TAF1: variants seen among roughly 807,000 people sequenced by gnomAD.
TAF1 encodes the protein TATA-box binding protein associated factor 1, also known as transcription initiation factor TFIID subunit 1.
A neutral mutation model predicts 138.5 loss-of-function variants in TAF1; 2 were observed. The observed-to-expected ratio is 0.01, with a 90% CI of 0.01 to 0.05. The LOEUF (loss-of-function observed/expected upper bound fraction) is 0.05. TAF1 is among the 10% of genes least tolerant of loss of function. The probability of loss-of-function intolerance (pLI) is 1.00; values close to 1 mark genes in which losing one functional copy is unlikely to be tolerated. For missense variants in TAF1, 709 were observed against 1,478.0 expected, an observed-to-expected ratio of 0.48 and a Z score of 8.53; for synonymous variants, 437 against 503.2, an observed-to-expected ratio of 0.87 and a Z score of 1.76.
At chrX:71,372,755 G>A (rs1434441415) in intron 3 of TAF1, among the ~76,000 whole-genome samples, 3 of 111,994 alleles carry the variant, frequency 2.7e-5, no homozygotes, top group African/African-American at 9.7e-5. Context: ...AGTCTCTTCC[G>A]TATCTCAGGA....
At chrX:71,431,342 C>A (rs1049449862) in intron 32 of TAF1, among the ~76,000 whole-genome samples, 3 of 110,023 alleles carry the variant, frequency 2.7e-5, no homozygotes, top group Non-Finnish European at 3.8e-5. Flanking sequence ...GGATTATAGG[C>A]GTGAGCTTTT....
chrX:71,384,491 A>G (rs2034096558), intron 13 of TAF1, among the ~76,000 whole-genome samples: 1 of 109,496 alleles, frequency 9.1e-6, no homozygotes, highest in Admixed American at 9.8e-5. Context: ...ACTCACTGCA[A>G]CCTCCACCTC....
chrX:71,368,238 C>G, intron 3 of TAF1, 68 bp downstream of exon 3: 1 of 1,072,778 alleles, frequency 9.3e-7, no homozygotes, highest in East Asian at 3.0e-5. Context: ...AGTTTGGGCT[C>G]TGGTTTCTAT....
chrX:71,373,102 G>A (rs1044339561), intron 3 of TAF1, among the ~76,000 whole-genome samples: 1 of 108,955 alleles, frequency 9.2e-6, no homozygotes, highest in African/African-American at 3.3e-5. Context: ...TCCTGACCTC[G>A]TGATCCACCC....
chrX:71,367,684 T>C, intron 2 of TAF1, 71 bp downstream of exon 2: 2 of 1,110,177 alleles, frequency 1.8e-6, no homozygotes, highest in Non-Finnish European at 2.4e-6. Context: ...CTTTTTTGTG[T>C]GTGTAAGACG....
chrX:71,454,172 C>A lies in TAF1; in HGVS notation c.4756C>A (p.Pro1586Thr). The A allele has an allele frequency of 1.7e-6, 2 of 1,206,207 alleles. No individual in the cohort carries two copies. The highest frequency in any genetic ancestry group is 2.2e-6 in the Non-Finnish European group (2 of 891,206). Residue 1586 changes from proline (P) to threonine (T), a missense_variant and splice_region_variant, in exon 33 of 38, where the codon CCT becomes ACT. By Grantham distance (38) the Pro-to-Thr change is conservative. Transcript: ENST00000423759. Reference protein sequence around the residue: ...ILANSVKYNGPESQYTKTAQE... With the variant: ...ILANSVKYNGTESQYTKTAQE... ...GCACTTTCTTATTTTATTTATAGGA[C>A]CTGAGAGTCAGTATACTAAGACTGC...
chrX:71,474,483 C>G (rs1029601390), intron 13 of TAF1, among the ~76,000 whole-genome samples: 6 of 111,160 alleles, frequency 5.4e-5, no homozygotes, highest in Admixed American at 2.9e-4. Flanking sequence ...GAGGTAGACT[C>G]AACTGCATTT....
intron 4 of TAF1, 124 bp downstream of exon 4, chrX:71,375,410 C>T (rs965408889): frequency 1.1e-6 from 1 of 900,317 alleles, no homozygotes; most frequent in Non-Finnish European, 1.5e-6. Flanking sequence ...AGAAATAATT[C>T]ATACAATCGC....
intron 21 of TAF1, 40 bp downstream of exon 21, chrX:71,393,516 G>T (rs758879518): frequency 1.7e-6 from 2 of 1,156,575 alleles, no homozygotes; most frequent in Non-Finnish European, 2.3e-6. Context: ...AAGCTGGAAA[G>T]GGGGAGGAGT....
rs776321706 is a variant in TAF1 at position 71,456,649 on chromosome X, C to CTTTTTTTTTTTT, written c.4939-1560_4939-1549dup. Among the ~76,000 whole-genome samples the CTTTTTTTTTTTT allele has an allele frequency of 7.1e-4, 19 of 26,828 alleles. 3 individuals carry two copies. The highest frequency in any genetic ancestry group is 2.3e-3 in the East Asian group (2 of 859). 23.3% of individuals were successfully genotyped at this position (26,828 alleles called of 115,157 possible). ...ATGGTGGTGGTCAATAATGTATTTTCTTTTTTTTTTTTTTTTTTTTTTTTT... is the reference window on the plus strand; with the variant it reads ...ATGGTGGTGGTCAATAATGTATTTTCTTTTTTTTTTTTTTTTTTTTTTTTTTTTTTTTTTTTT... On this transcript the variant is annotated intron_variant, in intron 34 of 37. Coordinates refer to ENST00000423759, the MANE Select transcript of TAF1 (RefSeq NM_004606.5).
intron 29 of TAF1, among the ~76,000 whole-genome samples, chrX:71,421,669 G>A (rs2036351143): frequency 8.9e-6 from 1 of 111,896 alleles, no homozygotes; most frequent in African/African-American, 3.2e-5. Context: ...AGGAAAGTGA[G>A]TTTCCAGGAA....
rs5981106 is a variant in TAF1 at position 71,375,282 on chromosome X, T to C, written c.468T>C (p.Thr156=). 0.018 allele frequency: 21,762 copies of C among 1,205,871 alleles called. 1,414 individuals are homozygous for C. The African/African-American group carries it at 0.25, about 14-fold the overall frequency. The change falls in exon 4 of 38, where the codon ACT becomes ACC. Residue 156 remains threonine, a synonymous_variant. Coordinates refer to ENST00000423759, the MANE Select transcript of TAF1 (RefSeq NM_004606.5). ...AGGATAAGGACCAGGATTCTATTAC[T>C]GGTGGTAAGTAGAGATTGTCTACTT... The part of the protein sequence containing the change: ...MKKDKDQDSI[T]GVSENGEGII...
intron 35 of TAF1, 23 bp from the exon 36 acceptor site, chrX:71,459,529 G>C (rs1221114587): frequency 1.7e-6 from 2 of 1,208,444 alleles, no homozygotes; most frequent in East Asian, 5.9e-5. Context: ...ATAGGACTTT[G>C]ACCCCCAACT....
chrX:71,390,864 G>A (rs958257055), intron 18 of TAF1, among the ~76,000 whole-genome samples: 2 of 110,660 alleles, frequency 1.8e-5, no homozygotes, highest in African/African-American at 3.3e-5. Context: ...GCGTGGTGGC[G>A]TGCGCCTGTA....
intron 32 of TAF1, among the ~76,000 whole-genome samples, chrX:71,452,123 C>T (rs1367779397): frequency 1.9e-5 from 2 of 105,784 alleles, no homozygotes; most frequent in African/African-American, 6.9e-5. Context: ...CCCCCCCCAC[C>T]TCCCTCCCAG....
intron 4 of TAF1, among the ~76,000 whole-genome samples, chrX:71,375,530 A>G (rs2033405868): frequency 9.0e-6 from 1 of 111,502 alleles, no homozygotes; most frequent in East Asian, 2.8e-4. Flanking sequence ...CTGGCTACCC[A>G]TCAGAATCAC....
chrX:71,413,029 T>C (rs753916304), intron 28 of TAF1, among the ~76,000 whole-genome samples: 9 of 112,107 alleles, frequency 8.0e-5, no homozygotes, highest in Non-Finnish European at 1.5e-4. Context: ...GAATGCCTGC[T>C]TGATGCTCTA....
intron 16 of TAF1, 31 bp downstream of exon 16, chrX:71,388,409 C>T: frequency 8.4e-7 from 1 of 1,184,380 alleles, no homozygotes; most frequent in East Asian, 3.0e-5. Flanking sequence ...ATTTGTCTGC[C>T]TTTTTCCAAG....
intron 13 of TAF1, among the ~76,000 whole-genome samples, chrX:71,471,931 G>T (rs1308674336): frequency 2.7e-5 from 3 of 112,234 alleles, no homozygotes; most frequent in Non-Finnish European, 5.6e-5. Context: ...ATTAGTTGAG[G>T]TACTTTCAAT....
Sources: allele counts gnomAD v4.1 joint callset (sites outside exome capture counted in the v4.1 genomes callset), GRCh38; gene constraint gnomAD v4.1.1; transcripts MANE v1.5; gene names NCBI Gene and HGNC (gene_info 2026-07-23, HGNC 2026-07-21).